Variants in TUSC3 observed in about 807,000 individuals in gnomAD.
The protein encoded by TUSC3 is dolichyl-diphosphooligosaccharide--protein glycosyltransferase subunit TUSC3.
A neutral mutation model predicts 44.8 loss-of-function variants in TUSC3; 45 were observed. The observed-to-expected ratio is 1.00, with a 90% CI of 0.79 to 1.29. TUSC3 has a LOEUF of 1.29. TUSC3 is among the 50% of genes most tolerant of loss of function. The pLI is 0.00. For missense variants in TUSC3, 519 were observed against 437.9 expected, an observed-to-expected ratio of 1.19 and a Z score of -1.65; for synonymous variants, 212 against 152.9, an observed-to-expected ratio of 1.39 and a Z score of -2.85.
At chr8:15,611,069 CA>C (rs1203621762) in intron 1 of TUSC3, among the ~76,000 whole-genome samples, 1 of 152,168 alleles carries the variant, frequency 6.6e-6, no homozygotes, top group Non-Finnish European at 1.5e-5. Context: ...TAACTTTACA[CA>C]AACAAAAGGT....
chr8:15,551,339 A>G (rs1459374536), intron 1 of TUSC3, among the ~76,000 whole-genome samples: 3 of 151,750 alleles, frequency 2.0e-5, no homozygotes, highest in African/African-American at 2.4e-5. Context: ...TAGTTTCTCT[A>G]TATATCAAAG....
intron 1 of TUSC3, among the ~76,000 whole-genome samples, chr8:15,417,971 C>G (rs1799680053): frequency 1.3e-5 from 2 of 152,172 alleles, no homozygotes; most frequent in Non-Finnish European, 2.9e-5. Context: ...ATTATTAAAA[C>G]TCTACATGCC....
chr8:15,573,907 A>AG lies in TUSC3; in HGVS notation c.138+33344dup, dbSNP rs765092223. On this transcript the variant is annotated intron_variant, in intron 1 of 10. Coordinates refer to ENST00000503731, the MANE Select transcript of TUSC3 (RefSeq NM_006765.4). Reference sequence around the variant, plus strand: ...AGTTCCAAATATGGGGGGTGATAGGAGGGGGAGAGAATATTATCTTCTTCC... The same window carrying AG: ...AGTTCCAAATATGGGGGGTGATAGGAGGGGGGAGAGAATATTATCTTCTTCC... Among the ~76,000 whole-genome samples, 4 of 152,052 alleles carry AG rather than the reference A, an allele frequency of 2.6e-5. No individual in the cohort carries two copies. In the East Asian group the frequency reaches 5.8e-4, roughly 22 times the overall value.
intron 6 of TUSC3, among the ~76,000 whole-genome samples, chr8:15,676,412 T>C (rs1808191647): frequency 6.6e-6 from 1 of 152,168 alleles, no homozygotes; most frequent in Non-Finnish European, 1.5e-5. Flanking sequence ...TTTCTCCTAT[T>C]CTGTAGGGTG....
chr8:15,474,037 C>T (rs368843230), intron 1 of TUSC3, among the ~76,000 whole-genome samples: 5 of 152,204 alleles, frequency 3.3e-5, no homozygotes, highest in East Asian at 3.9e-4. Flanking sequence ...ATAGACCTCC[C>T]GCCAGGAATG....
chr8:15,514,908 G>A (rs1801194860), intron 2 of TUSC3, among the ~76,000 whole-genome samples: 1 of 152,094 alleles, frequency 6.6e-6, no homozygotes, highest in South Asian at 2.1e-4. Context: ...ATATTTTATA[G>A]TTGTGGTTAA....
At chr8:15,504,046 G>T (rs1181032149) in intron 2 of TUSC3, among the ~76,000 whole-genome samples, 2 of 148,910 alleles carry the variant, frequency 1.3e-5, no homozygotes, top group East Asian at 4.0e-4. Flanking sequence ...CTGTAGAAAA[G>T]AACACACCGT....
At chr8:15,760,175 C>G (rs1812113175) in intron 10 of TUSC3, among the ~76,000 whole-genome samples, 1 of 152,056 alleles carries the variant, frequency 6.6e-6, no homozygotes, top group African/African-American at 2.4e-5. Context: ...AAGAGGAAGG[C>G]AAAGTTAATA....
chr8:15,438,164 G>A (rs1023466247), intron 1 of TUSC3, among the ~76,000 whole-genome samples: 1 of 151,982 alleles, frequency 6.6e-6, no homozygotes, highest in Non-Finnish European at 1.5e-5. Flanking sequence ...GCACAGTCTC[G>A]GCTCCCTGCA....
chr8:15,652,214 A>G (rs1181039342), intron 3 of TUSC3, among the ~76,000 whole-genome samples: 1 of 152,082 alleles, frequency 6.6e-6, no homozygotes, highest in Non-Finnish European at 1.5e-5. Context: ...CACATGTGAT[A>G]CTCTTTGGTA....
At chr8:15,589,291 G>T (rs1286781797) in intron 1 of TUSC3, among the ~76,000 whole-genome samples, 1 of 152,090 alleles carries the variant, frequency 6.6e-6, no homozygotes, top group Non-Finnish European at 1.5e-5. Context: ...TTTAATTGGG[G>T]AATTTAAAAC....
chr8:15,649,687 G>A (rs929474701), intron 2 of TUSC3, among the ~76,000 whole-genome samples: 10 of 151,098 alleles, frequency 6.6e-5, no homozygotes, highest in Admixed American at 5.3e-4. Context: ...TGTTTTTCTA[G>A]CTTCTTATTG....
At chr8:15,523,686 G>A (rs868210700) in intron 2 of TUSC3, among the ~76,000 whole-genome samples, 1,814 of 44,812 alleles carry the variant, frequency 0.04, 93 homozygotes, top group South Asian at 0.094. Context: ...GTGTGTGTGT[G>A]TGTGTGTGTG....
intron 1 of TUSC3, among the ~76,000 whole-genome samples, chr8:15,427,939 T>C (rs1799825374): frequency 6.6e-6 from 1 of 151,874 alleles, no homozygotes; most frequent in Non-Finnish European, 1.5e-5. Context: ...CAGTATGAGA[T>C]AAGGATGCAA....
intron 1 of TUSC3, among the ~76,000 whole-genome samples, chr8:15,445,847 T>C (rs1800088807): frequency 6.6e-6 from 1 of 152,220 alleles, no homozygotes; most frequent in South Asian, 2.1e-4. Flanking sequence ...TCCCAGATGG[T>C]AGACGGGGTG....
chr8:15,500,120 G>T (rs111795011), intron 2 of TUSC3, among the ~76,000 whole-genome samples: 3,202 of 151,950 alleles, frequency 0.021, 113 homozygotes, highest in African/African-American at 0.073. Context: ...TTTCATTGTT[G>T]CCAACATTGA....
intron 6 of TUSC3, among the ~76,000 whole-genome samples, chr8:15,725,603 CTGATGA>C (rs56849270): frequency 4.0e-5 from 6 of 151,200 alleles, no homozygotes; most frequent in East Asian, 3.9e-4. Context: ...TCTTAGATGA[CTGATGA>C]TGATGATGAT....
At chr8:15,654,140 G>C (rs772524263) in intron 3 of TUSC3, among the ~76,000 whole-genome samples, 40 of 152,304 alleles carry the variant, frequency 2.6e-4, no homozygotes, top group Non-Finnish European at 4.9e-4. Flanking sequence ...AACCTCTAAA[G>C]TTTTAGAACA....
At chr8:15,582,014 C>T (rs953831763) in intron 1 of TUSC3, among the ~76,000 whole-genome samples, 10 of 152,074 alleles carry the variant, frequency 6.6e-5, no homozygotes, top group East Asian at 1.9e-4. Context: ...TCTTGTGGTG[C>T]GCCGCTTTTT....
Sources: gnomAD v4.1 joint callset for allele counts (sites outside exome capture counted in the v4.1 genomes callset) on GRCh38, gnomAD v4.1.1 for gene constraint, MANE v1.5 for transcripts, NCBI Gene and HGNC (gene_info 2026-07-23, HGNC 2026-07-21) for gene names.